Variants in LRRK2 observed in about 807,000 individuals in gnomAD.
LRRK2 encodes leucine rich repeat kinase 2.
Under a neutral mutation model 302.6 loss-of-function variants are expected in LRRK2, and 203 were observed. The observed-to-expected ratio is 0.67, with a 90% confidence interval of 0.60 to 0.75. The LOEUF is 0.75. Ranked by LOEUF, LRRK2 falls within the 30% of genes least tolerant of loss-of-function variation. LRRK2 has a pLI of 0.00. For missense variants in LRRK2, 2,830 were observed against 2,951.0 expected (o/e 0.96, Z 0.95); for synonymous variants, 1,066 against 1,031.9 (o/e 1.03, Z -0.63).
rs777109964 is a variant in LRRK2 at position 40,251,228 on chromosome 12, C to G, written c.959-4C>G. Reference sequence around the variant, plus strand: ...TTTTTATATATTTTTCAATTTTTTTCAAGCTGAGACTATTTTCTTAAATCA... The same window carrying G: ...TTTTTATATATTTTTCAATTTTTTTGAAGCTGAGACTATTTTCTTAAATCA... On this transcript the variant is annotated splice_polypyrimidine_tract_variant and splice_region_variant and intron_variant, in intron 8 of 50. Transcript: ENST00000298910. 6 of 1,548,070 alleles carry G rather than the reference C, an allele frequency of 3.9e-6. No individual in the cohort carries two copies. Among genetic ancestry groups the G allele is most frequent in the Non-Finnish European group, 5.3e-6 (6 of 1,137,440 alleles).
At position 40,365,068 on chromosome 12, in the gene LRRK2, A is replaced by G; in HGVS notation, c.7390+18A>G. On this transcript the variant is annotated intron_variant, in intron 49 of 50. Transcript: ENST00000298910. Reference sequence around the variant, plus strand: ...ACAGCTAGGCAAGTTTCTTTCCTTTAGATATTTTTCATATTCTCTAAGTCT... The same window carrying G: ...ACAGCTAGGCAAGTTTCTTTCCTTTGGATATTTTTCATATTCTCTAAGTCT... 1 of 1,601,754 alleles carries G rather than the reference A, an allele frequency of 6.2e-7. No homozygotes were observed. Among genetic ancestry groups the G allele is most frequent in the Non-Finnish European group, 8.5e-7 (1 of 1,169,788 alleles).
At chr12:40,282,159 C>T (rs1943738815) in intron 18 of LRRK2, among the ~76,000 whole-genome samples, 2 of 130,760 alleles carry the variant, frequency 1.5e-5, no homozygotes, top group South Asian at 5.5e-4. Flanking sequence ...CCTTTCTCTT[C>T]CCCTTCCCCT....
intron 28 of LRRK2, 29 bp downstream of exon 28, chr12:40,305,995 A>C (rs1392274797): frequency 6.5e-7 from 1 of 1,543,884 alleles, no homozygotes; most frequent in Non-Finnish European, 8.9e-7. Context: ...ATTTGGTTTT[A>C]CTAAATTTAT....
intron 6 of LRRK2, among the ~76,000 whole-genome samples, chr12:40,241,822 T>G (rs910416082): frequency 2.0e-5 from 3 of 152,200 alleles, no homozygotes; most frequent in African/African-American, 7.2e-5. Context: ...GAATGCTTTT[T>G]TTTGGTGATG....
At position 40,299,134 on chromosome 12, in the gene LRRK2, C is replaced by A. The variant is rs1555185452; in HGVS notation, c.3373C>A (p.Pro1125Thr). The A allele has an allele frequency of 6.2e-7, 1 of 1,612,834 alleles. No individual in the cohort carries two copies. Among genetic ancestry groups the A allele is most frequent in the Non-Finnish European group, 8.5e-7 (1 of 1,179,550 alleles). The change falls in exon 25 of 51, where the codon CCC (proline) becomes ACC (threonine). Residue 1125 changes from proline (P) to threonine (T), a missense_variant. Pro to Thr is a conservative substitution (Grantham distance 38). Around this residue, in one of 3 missense-constraint regions of LRRK2, gnomAD observed 2,121 missense variants for 2,148.0 expected, o/e 0.99. Coordinates refer to ENST00000298910, the MANE Select transcript of LRRK2 (RefSeq NM_198578.4). ...EGNKISGICS[P>T]LRLKELKILN... ...AAATAAAATATCAGGGATATGCTCC[C>A]CCTTGAGACTGAAGGAACTGAAGAT...
At chr12:40,312,877 A>G (rs1945081878) in intron 31 of LRRK2, 1 of 152,026 alleles carries the variant, frequency 6.6e-6, no homozygotes, top group Non-Finnish European at 1.5e-5. Context: ...TTAATTTATG[A>G]ACGACTAAGA....
At position 40,327,606 on chromosome 12, in the gene LRRK2, C is replaced by T. The variant is rs11564106; in HGVS notation, c.5657-754C>T. 5.9e-3 allele frequency among the ~76,000 whole-genome samples: 903 copies of T among 152,142 alleles called. 25 individuals are homozygous for T. The East Asian group carries it at 0.064, about 11-fold the overall frequency. Reference sequence around the variant, plus strand: ...AATTTAGATTTGATTTAGTAGGCAACGCGGAATAATTTGTTTCTGAACAGG... The same window carrying T: ...AATTTAGATTTGATTTAGTAGGCAATGCGGAATAATTTGTTTCTGAACAGG... On this transcript the variant is annotated intron_variant, in intron 38 of 50. Coordinates refer to ENST00000298910, the MANE Select transcript of LRRK2 (RefSeq NM_198578.4).
rs77011528 is a variant in LRRK2, at chr12:40,252,066, A to T, written c.1181+522A>T. Reference sequence around the variant, plus strand: ...TCAATAGGAGTGCCATTCAAACATCATAAGACCGGCACTCTCTCCCAAAGA... The same window carrying T: ...TCAATAGGAGTGCCATTCAAACATCTTAAGACCGGCACTCTCTCCCAAAGA... On this transcript the variant is annotated intron_variant, in intron 10 of 50. Coordinates refer to ENST00000298910, the MANE Select transcript of LRRK2 (RefSeq NM_198578.4). Among the ~76,000 whole-genome samples, 78 of 152,272 alleles carry T rather than the reference A, an allele frequency of 5.1e-4. 4 individuals are homozygous for T. In the East Asian group the frequency reaches 0.015, roughly 29 times the overall value.
At position 40,351,654 on chromosome 12, in the gene LRRK2, G is replaced by C. The variant is rs201503829; in HGVS notation, c.6497G>C (p.Ser2166Thr). The C allele has an allele frequency of 1.2e-6, 2 of 1,614,192 alleles. No individual in the cohort carries two copies. Among genetic ancestry groups the C allele is most frequent in the African/African-American group, 2.7e-5 (2 of 75,062 alleles). ...VATHHNSRNA[S>T]IWLGCGHTDR... The stretch of plus-strand genomic sequence containing the variant: ...ACACATCACAACAGCAGGAATGCAA[G>C]CATTTGGCTGGGCTGTGGGCACACC... The change falls in exon 44 of 51, where the codon AGC becomes ACC. Residue 2166 changes from serine to threonine, a missense_variant. Coordinates refer to ENST00000298910, the MANE Select transcript of LRRK2 (RefSeq NM_198578.4).
rs376267931 is a variant in LRRK2 at position 40,308,747 on chromosome 12, C to T, written c.4189+51C>T. The T allele has an allele frequency of 1.9e-5, 29 of 1,535,962 alleles. No homozygotes were observed. In the Middle Eastern group the frequency reaches 5.1e-4, roughly 27 times the overall value. On this transcript the variant is annotated intron_variant, in intron 29 of 50. Coordinates refer to ENST00000298910, the MANE Select transcript of LRRK2 (RefSeq NM_198578.4). ...ATTCACTTTTACCATTTGTTTGGAA[C>T]AGGGATTCAAAAACTGAGCTTTCTG...
chr12:40,252,689 C>T (rs912193867), intron 10 of LRRK2, among the ~76,000 whole-genome samples: 1 of 152,000 alleles, frequency 6.6e-6, no homozygotes, highest in Non-Finnish European at 1.5e-5. Context: ...TTTCTCTCTG[C>T]TGCATATGCT....
chr12:40,308,397 A>G, intron 28 of LRRK2, 70 bp from the exon 29 acceptor site: 1 of 1,195,736 alleles, frequency 8.4e-7, no homozygotes, highest in East Asian at 2.5e-5. Flanking sequence ...TGACATGTAA[A>G]AGAACTCACC....
Position 40,323,326 on chromosome 12 carries a change from T to G in LRRK2, c.5656+20T>G. On this transcript the variant is annotated intron_variant, in intron 38 of 50. Coordinates refer to ENST00000298910, the MANE Select transcript of LRRK2 (RefSeq NM_198578.4). ...TCCTAGGTAATTCTTTTTGTTAATTTGAGAATAAAAATTAGGATGTAATTT... is the reference window on the plus strand; with the variant it reads ...TCCTAGGTAATTCTTTTTGTTAATTGGAGAATAAAAATTAGGATGTAATTT... The G allele has an allele frequency of 1.9e-6, 3 of 1,595,850 alleles. No homozygotes were observed. Among genetic ancestry groups the G allele is most frequent in the Non-Finnish European group, 2.6e-6 (3 of 1,166,676 alleles).
intron 42 of LRRK2, 50 bp downstream of exon 42, chr12:40,346,973 G>T: frequency 6.8e-7 from 1 of 1,471,958 alleles, no homozygotes; most frequent in Non-Finnish European, 9.3e-7. Context: ...AATATCAGCA[G>T]CTTCATTTTT....
chr12:40,358,191 A>G (rs1215982053), intron 46 of LRRK2, among the ~76,000 whole-genome samples: 1 of 150,856 alleles, frequency 6.6e-6, no homozygotes, highest in Non-Finnish European at 1.5e-5. Context: ...TCCTCTCTAT[A>G]TTGTTGATAG....
chr12:40,235,755 A>C (rs1375462272), intron 4 of LRRK2, 41 bp downstream of exon 4: 6 of 1,241,106 alleles, frequency 4.8e-6, no homozygotes, highest in Non-Finnish European at 7.1e-6. Flanking sequence ...TCAAATTAAA[A>C]AAAAAGTTGA....
chr12:40,320,529 ATAGT>A (rs1236175911), intron 34 of LRRK2, among the ~76,000 whole-genome samples: 1 of 151,942 alleles, frequency 6.6e-6, no homozygotes, highest in South Asian at 2.1e-4. Flanking sequence ...TTCTGAGAAG[ATAGT>A]GAGTTTTCAA....
In LRRK2 at chr12:40,259,547, A is replaced by G; in HGVS notation, c.1486A>G (p.Thr496Ala). ...ACTAACAGTTATGAAACGTCATGAG[A>G]CATCATTACCAGTGCAGCTGGAGGC... ...KILTVMKRHETSLPVQLEALR... is the reference protein window; with the variant it reads ...KILTVMKRHEASLPVQLEALR... Residue 496 changes from threonine to alanine, a missense_variant, in exon 13 of 51, where the codon ACA (threonine) becomes GCA (alanine). Thr to Ala is a moderately conservative substitution (Grantham distance 58). Coordinates refer to ENST00000298910, the MANE Select transcript of LRRK2 (RefSeq NM_198578.4). 6.2e-7 allele frequency: 1 copy of G among 1,613,414 alleles called. No individual in the cohort carries two copies. Among genetic ancestry groups the G allele is most frequent in the Non-Finnish European group, 8.5e-7 (1 of 1,179,508 alleles).
intron 40 of LRRK2, among the ~76,000 whole-genome samples, chr12:40,339,452 G>T (rs889259957): frequency 1.3e-5 from 2 of 152,146 alleles, no homozygotes; most frequent in East Asian, 3.9e-4. Flanking sequence ...ATAAGACCTG[G>T]TTGAGATGAA....
Sources: allele counts gnomAD v4.1 joint callset (sites outside exome capture counted in the v4.1 genomes callset), GRCh38; gene constraint gnomAD v4.1.1; regional missense constraint gnomAD v4.1.1; transcripts MANE v1.5; gene names NCBI Gene and HGNC (gene_info 2026-07-23, HGNC 2026-07-21).